Variants in PTPN6 observed in about 807,000 individuals in gnomAD.
PTPN6 encodes the protein tyrosine-protein phosphatase non-receptor type 6.
A neutral mutation model predicts 81.5 loss-of-function variants in PTPN6; 18 were observed. The ratio of observed to expected loss-of-function variants is 0.22; its 90% CI spans 0.15 to 0.33. The LOEUF (loss-of-function observed/expected upper bound fraction) is 0.33, where lower values mean the gene tolerates loss of function less well. Among genes scored for constraint, PTPN6 ranks in the 10% least tolerant of loss-of-function variants. PTPN6 has a pLI of 1.00. For missense variants in PTPN6, 500 were observed against 794.2 expected (o/e 0.63, Z 4.45); for synonymous variants, 301 against 310.9 (o/e 0.97, Z 0.33).
In PTPN6 at chr12:6,957,629, T is replaced by TCGCCCCCCCC; in HGVS notation, c.1075-24_1075-23insGCCCCCCCCC. On this transcript the variant is annotated intron_variant, in intron 9 of 15. Transcript: ENST00000318974. This position sits in a 1 kb window ranked among gnomAD's most constrained non-coding sequence, Gnocchi z 6.5. ...CCACAGTGCCCTGCTCTGTGCCTCA[T>TCGCCCCCCCC]CCCCACCCGACCCTCCCTTTCCAGA... 4 of 1,521,490 alleles carry TCGCCCCCCCC rather than the reference T, an allele frequency of 2.6e-6. No homozygotes were observed. The highest frequency in any genetic ancestry group is 3.6e-6 in the Non-Finnish European group (4 of 1,105,654). 94.2% of individuals were successfully genotyped at this position (1,521,490 alleles called of 1,614,324 possible). A position where few individuals can be genotyped will look rare whatever the true frequency, so the allele number is the denominator to read the frequency against.
At position 6,955,425 on chromosome 12, in the gene PTPN6, A is replaced by C; in HGVS notation, c.687A>C (p.Glu229Asp). 6.2e-7 allele frequency: 1 copy of C among 1,614,120 alleles called. No individual in the cohort carries two copies. Among genetic ancestry groups the C allele is most frequent in the Non-Finnish European group, 8.5e-7 (1 of 1,180,002 alleles). ...NAADIENRVLELNKKQESEDT... is the reference protein window; with the variant it reads ...NAADIENRVLDLNKKQESEDT... ...CTGACATTGAGAACCGAGTGTTGGA[A>C]CTGAACAAGAAGCAGGAGTCCGAGG... is the stretch of plus-strand genomic sequence containing the variant. Residue 229 changes from glutamate to aspartate, a missense_variant, in exon 6 of 16, where the codon GAA (glutamate) becomes GAC (aspartate). Physicochemically the swap from Glu to Asp is conservative, Grantham distance 45. Coordinates refer to ENST00000318974, the MANE Select transcript of PTPN6 (RefSeq NM_002831.6). The surrounding 1 kb of genome is among the most constrained non-coding windows in gnomAD (Gnocchi z 7.2).
chr12:6,951,209 T>C (rs1945917292), upstream of PTPN6: 1 of 1,409,134 alleles, frequency 7.1e-7, no homozygotes, highest in South Asian at 1.5e-5. The surrounding 1 kb of genome is among the most constrained non-coding windows in gnomAD (Gnocchi z 7.2). Flanking sequence ...TGCAGACGTG[T>C]GGGAAGTGGG....
rs115534901 is a variant in PTPN6 at position 6,952,662 on chromosome 12, T to C, written c.326+485T>C. 2,555 of 256,856 alleles carry C rather than the reference T, an allele frequency of 9.9e-3. 50 individuals are homozygous for C. Among genetic ancestry groups the C allele is most frequent in the African/African-American group, 0.045 (2,004 of 45,016 alleles). The allele number at this position is 256,856 out of a possible 1,614,324, so 15.9% of individuals were successfully genotyped here. On this transcript the variant is annotated intron_variant, in intron 3 of 15. Transcript: ENST00000318974. This position sits in a 1 kb window ranked among gnomAD's most constrained non-coding sequence, Gnocchi z 8.1. ...TTGATGCCTTGTCCCAGCCGCCCCG[T>C]GGGGATGGGTCTGTCCTGTGGGGTC... is the stretch of plus-strand genomic sequence containing the variant.
In PTPN6 at chr12:6,955,820, C is replaced by A; in HGVS notation, c.844+64C>A. ...CCCTGCCCCAGCTGCCTCCCCTCAT[C>A]TCACAGGTCTCCACCCTCCACGCCA... On this transcript the variant is annotated intron_variant, in intron 7 of 15. Transcript: ENST00000318974. The surrounding 1 kb of genome is among the most constrained non-coding windows in gnomAD (Gnocchi z 7.2). 1 of 1,440,842 alleles carries A rather than the reference C, an allele frequency of 6.9e-7. No homozygotes were observed. The highest frequency in any genetic ancestry group is 9.8e-7 in the Non-Finnish European group (1 of 1,024,816). The allele number at this position is 1,440,842 out of a possible 1,614,324, so 89.3% of individuals were successfully genotyped here.
In PTPN6 at chr12:6,955,246, C is replaced by T. The variant is rs1555148397; in HGVS notation, c.612C>T (p.Gly204=). The change falls in exon 5 of 16, where the codon GGC becomes GGT. Residue 204 remains glycine, a synonymous_variant. Coordinates refer to ENST00000318974, the MANE Select transcript of PTPN6 (RefSeq NM_002831.6). This position sits in a 1 kb window ranked among gnomAD's most constrained non-coding sequence, Gnocchi z 7.2. ...AGACGGGGATTGAGGAGGCCTCAGG[C>T]GCCTTTGTCTACCTGCGGCAGGTCA... The part of the protein sequence containing the change: ...FKKTGIEEAS[G]AFVYLRQPYY... The T allele has an allele frequency of 8.7e-6, 14 of 1,614,188 alleles. No individual in the cohort carries two copies. Among genetic ancestry groups the T allele is most frequent in the East Asian group, 4.5e-5 (2 of 44,886 alleles).
At position 6,955,154 on chromosome 12, in the gene PTPN6, G is replaced by A. The variant is rs1555148372; in HGVS notation, c.520G>A (p.Gly174Arg). Reference protein sequence around the residue: ...VTHIKVMCEGGRYTVGGLETF... With the variant: ...VTHIKVMCEGRRYTVGGLETF... ...GGCCTAATTTGGCTCCCCCCAGGGT[G>A]GACGCTACACAGTGGGTGGTTTGGA... The change falls in exon 5 of 16, where the codon GGA (glycine) becomes AGA (arginine). Residue 174 changes from glycine (G) to arginine (R), a missense_variant. Physicochemically the swap from Gly to Arg is moderately radical, Grantham distance 125 (BLOSUM62 -2). This residue lies in a region of PTPN6 where 96 missense variants were observed against 137.3 expected (regional missense o/e 0.70). Coordinates refer to ENST00000318974, the MANE Select transcript of PTPN6 (RefSeq NM_002831.6). The surrounding 1 kb of genome is among the most constrained non-coding windows in gnomAD (Gnocchi z 7.2). 1.2e-6 allele frequency: 2 copies of A among 1,614,212 alleles called. No individual in the cohort carries two copies. The highest frequency in any genetic ancestry group is 1.7e-5 in the Admixed American group (1 of 60,036).
At chr12:6,946,794 A>G, upstream of PTPN6, 1 of 1,559,292 alleles carries the variant, frequency 6.4e-7, no homozygotes, top group Non-Finnish European at 8.8e-7. Flanking sequence ...GGAGGGAGGG[A>G]GGGCTTTGTT....
At chr12:6,949,357 G>A (rs1457172036), upstream of PTPN6, among the ~76,000 whole-genome samples, 1 of 152,170 alleles carries the variant, frequency 6.6e-6, no homozygotes, top group Non-Finnish European at 1.5e-5. Context: ...CTCTGGGGGA[G>A]CACTTCTTCC....
Position 6,957,743 on chromosome 12 carries a change from C to A in PTPN6, c.1164C>A (p.Thr388=). ...CCAACTGCGGGGAGCATGACACAAC[C>A]GAATACAAACTCCGTACCTTACAGG... is the stretch of plus-strand genomic sequence containing the variant. ...SVTNCGEHDT[T]EYKLRTLQVS... Residue 388 remains threonine, a synonymous_variant, in exon 10 of 16, where the codon ACC becomes ACA. Transcript: ENST00000318974. The surrounding 1 kb of genome is among the most constrained non-coding windows in gnomAD (Gnocchi z 6.5). 6.2e-7 allele frequency: 1 copy of A among 1,614,152 alleles called. No homozygotes were observed. Among genetic ancestry groups the A allele is most frequent in the African/African-American group, 1.3e-5 (1 of 75,046 alleles).
chr12:6,958,749 T>C lies in PTPN6; in HGVS notation c.1361+676T>C, dbSNP rs140340458. Among the ~76,000 whole-genome samples, 332 of 152,342 alleles carry C rather than the reference T, an allele frequency of 2.2e-3. 2 individuals carry two copies. The South Asian group carries it at 0.031, about 14-fold the overall frequency. ...GGTTCCACAGGTGAGCCCACTGAGC[T>C]GGCCTGGCCTGGGTGGATGAGAGGC... On this transcript the variant is annotated intron_variant, in intron 11 of 15. Transcript: ENST00000318974.
chr12:6,946,795 G>T, upstream of PTPN6: 1 of 1,550,922 alleles, frequency 6.4e-7, no homozygotes, highest in East Asian at 2.3e-5. Flanking sequence ...GAGGGAGGGA[G>T]GGCTTTGTTG....
Position 6,951,571 on chromosome 12 carries a change from A to G in PTPN6, c.9-38A>G. ...CAGGAGGCAAGGGTGCCTGGTGCCC[A>G]CGGGACCCCTCCTCACTGCCCTGCC... On this transcript the variant is annotated intron_variant, in intron 1 of 15. Transcript: ENST00000318974. The surrounding 1 kb of genome is among the most constrained non-coding windows in gnomAD (Gnocchi z 7.2). 3 of 1,613,242 alleles carry G rather than the reference A, an allele frequency of 1.9e-6. No individual in the cohort carries two copies. The highest frequency in any genetic ancestry group is 2.5e-6 in the Non-Finnish European group (3 of 1,179,786).
intron 11 of PTPN6, among the ~76,000 whole-genome samples, chr12:6,958,741 C>T (rs1007004394): frequency 6.6e-6 from 1 of 152,180 alleles, no homozygotes; most frequent in Non-Finnish European, 1.5e-5. Flanking sequence ...CAGGTGAGCC[C>T]ACTGAGCTGG....
rs1000361901 is a variant in PTPN6 at position 6,954,817 on chromosome 12, C to G, written c.339C>G (p.Gly113=). The change falls in exon 4 of 16, where the codon GGC becomes GGG. Residue 113 remains glycine, a synonymous_variant. Transcript: ENST00000318974. This position sits in a 1 kb window ranked among gnomAD's most constrained non-coding sequence, Gnocchi z 5.4. ...SDPTSERWYH[G]HMSGGQAETL... Reference sequence around the variant, plus strand: ...CTGCCTTCTCTAGGTGGTACCATGGCCACATGTCTGGCGGGCAGGCAGAGA... The same window carrying G: ...CTGCCTTCTCTAGGTGGTACCATGGGCACATGTCTGGCGGGCAGGCAGAGA... 1.2e-6 allele frequency: 2 copies of G among 1,613,844 alleles called. No homozygotes were observed. The highest frequency in any genetic ancestry group is 1.7e-6 in the Non-Finnish European group (2 of 1,180,026).
rs781949874 is a variant in PTPN6 at position 6,957,983 on chromosome 12, G to A, written c.1271G>A (p.Ser424Asn). ...AGCTGGCCCGACCATGGGGTCCCCA[G>A]TGAGCCTGGGGGTGTCCTCAGCTTC... ...YLSWPDHGVP[S>N]EPGGVLSFLD... is the part of the protein sequence containing the mutation. The change falls in exon 11 of 16, where the codon AGT (serine) becomes AAT (asparagine). Residue 424 changes from serine to asparagine, a missense_variant. This residue lies in a region of PTPN6 where 226 missense variants were observed against 364.4 expected (regional missense o/e 0.62). Coordinates refer to ENST00000318974, the MANE Select transcript of PTPN6 (RefSeq NM_002831.6). This position sits in a 1 kb window ranked among gnomAD's most constrained non-coding sequence, Gnocchi z 6.5. 2 of 1,613,790 alleles carry A rather than the reference G, an allele frequency of 1.2e-6. No individual in the cohort carries two copies. The highest frequency in any genetic ancestry group is 2.2e-5 in the South Asian group (2 of 91,082).
upstream of PTPN6, among the ~76,000 whole-genome samples, chr12:6,951,032 A>G (rs1263404226): frequency 1.3e-5 from 2 of 152,216 alleles, no homozygotes; most frequent in Non-Finnish European, 2.9e-5. This position sits in a 1 kb window ranked among gnomAD's most constrained non-coding sequence, Gnocchi z 7.2. Context: ...AGCGTGGGCC[A>G]GGGAGGGCTG....
chr12:6,960,673 T>C lies in PTPN6; in HGVS notation c.1674-133T>C, dbSNP rs61753202. 3.2e-3 allele frequency: 4,918 copies of C among 1,550,824 alleles called. 9 individuals are homozygous for C. Among genetic ancestry groups the C allele is most frequent in the Non-Finnish European group, 3.7e-3 (4,289 of 1,146,566 alleles). ...GCCTCTGTCCTCTAGGAGCTTGGAG[T>C]CTAGTGCAGGGACCGTGGCTGCGTC... On this transcript the variant is annotated intron_variant, in intron 14 of 15. Transcript: ENST00000318974. The surrounding 1 kb of genome is among the most constrained non-coding windows in gnomAD (Gnocchi z 6.1).
Position 6,954,683 on chromosome 12 carries a change from C to A in PTPN6, c.327-122C>A. The A allele has an allele frequency of 2.1e-6, 2 of 936,300 alleles. No homozygotes were observed. The highest frequency in any genetic ancestry group is 1.5e-5 in the South Asian group (1 of 68,532). The allele number at this position is 936,300 out of a possible 1,614,324, so 58.0% of individuals were successfully genotyped here. ...CTAAATGAGGTGGTGGATTTGGAAG[C>A]ATGTAGCGCAGTGCCTGGCACACAG... On this transcript the variant is annotated intron_variant, in intron 3 of 15. Transcript: ENST00000318974. This position sits in a 1 kb window ranked among gnomAD's most constrained non-coding sequence, Gnocchi z 5.4.
chr12:6,946,865 C>T, upstream of PTPN6: 1 of 1,101,410 alleles, frequency 9.1e-7, no homozygotes, highest in Non-Finnish European at 1.4e-6. Context: ...CGCCTGTTTC[C>T]GGTCCCTATG....
Sources: allele counts gnomAD v4.1 joint callset (sites outside exome capture counted in the v4.1 genomes callset), GRCh38; gene constraint gnomAD v4.1.1; regional missense constraint gnomAD v4.1.1; non-coding constraint Gnocchi (gnomAD v3.1); transcripts MANE v1.5; gene names NCBI Gene and HGNC (gene_info 2026-07-23, HGNC 2026-07-21).